GRM7: variants seen among roughly 807,000 people sequenced by gnomAD.
The protein encoded by GRM7 is glutamate metabotropic receptor 7.
GRM7 carries 35 observed loss-of-function variants against 84.5 expected under a neutral mutation model. The ratio of observed to expected loss-of-function variants is 0.41; its 90% CI spans 0.32 to 0.55. The LOEUF (loss-of-function observed/expected upper bound fraction) is 0.55. Among genes scored for constraint, GRM7 ranks in the 20% least tolerant of loss-of-function variants. The pLI is 0.19. For synonymous variants in GRM7, 487 were observed against 455.1 expected, an observed-to-expected ratio of 1.07 and a Z score of -0.89; for missense variants, 1,003 against 1,194.6, an observed-to-expected ratio of 0.84 and a Z score of 2.36.
chr3:7,006,684 T>C (rs1433945399), intron 1 of GRM7, among the ~76,000 whole-genome samples: 1 of 152,210 alleles, frequency 6.6e-6, no homozygotes, highest in Non-Finnish European at 1.5e-5. Flanking sequence ...AAAATTTTAA[T>C]TAATTTTCAT....
rs569439227 is a variant in GRM7, at chr3:7,723,305, C to T, written c.2699-17052C>T. On this transcript the variant is annotated intron_variant, in intron 9 of 9. Coordinates refer to ENST00000357716, the MANE Select transcript of GRM7 (RefSeq NM_000844.4). ...TTATTGCTCCTAATGGAAGGAACTCCTGAGCTTCCTCAATCTAGTCTCTCC... is the reference window on the plus strand; with the variant it reads ...TTATTGCTCCTAATGGAAGGAACTCTTGAGCTTCCTCAATCTAGTCTCTCC... Among the ~76,000 whole-genome samples the T allele has an allele frequency of 2.0e-4, 31 of 152,268 alleles. No homozygotes were observed. The East Asian group carries it at 5.8e-3, about 28-fold the overall frequency.
intron 4 of GRM7, among the ~76,000 whole-genome samples, chr3:7,346,508 G>A (rs567066697): frequency 2.0e-5 from 3 of 152,220 alleles, no homozygotes; most frequent in South Asian, 4.1e-4. Context: ...TTTCCCTTGT[G>A]AGAAGAATCA....
intron 1 of GRM7, among the ~76,000 whole-genome samples, chr3:7,114,081 G>C (rs1039964841): frequency 1.3e-5 from 2 of 152,106 alleles, no homozygotes; most frequent in South Asian, 4.1e-4. Flanking sequence ...TTTAAAATCA[G>C]CTGTGTCATG....
chr3:7,410,645 AACC>A (rs1228983813), intron 4 of GRM7, among the ~76,000 whole-genome samples: 2 of 145,172 alleles, frequency 1.4e-5, no homozygotes, highest in East Asian at 2.0e-4. Flanking sequence ...ATACACACAA[AACC>A]ACCACCACCA....
rs573846605 is a variant in GRM7, at chr3:7,628,398, G to T, written c.2451+49041G>T. Among the ~76,000 whole-genome samples, 9 of 152,216 alleles carry T rather than the reference G, an allele frequency of 5.9e-5. No individual in the cohort carries two copies. The South Asian group carries it at 1.9e-3, about 32-fold the overall frequency. On this transcript the variant is annotated intron_variant, in intron 8 of 9. Coordinates refer to ENST00000357716, the MANE Select transcript of GRM7 (RefSeq NM_000844.4). Reference sequence around the variant, plus strand: ...TCTCATTCATCTCTGTATCCTCAGTGCCTGGAATTTACTTAGCAATCATTG... The same window carrying T: ...TCTCATTCATCTCTGTATCCTCAGTTCCTGGAATTTACTTAGCAATCATTG...
intron 1 of GRM7, among the ~76,000 whole-genome samples, chr3:7,129,542 A>G (rs189653717): frequency 6.6e-6 from 1 of 152,342 alleles, no homozygotes; most frequent in Admixed American, 6.5e-5. Context: ...TATAGGTGCA[A>G]GTGTTGTATG....
At chr3:6,896,981 T>G (rs779583444) in intron 1 of GRM7, among the ~76,000 whole-genome samples, 11 of 152,226 alleles carry the variant, frequency 7.2e-5, no homozygotes, top group Non-Finnish European at 7.4e-5. Flanking sequence ...CCTAAGTGTT[T>G]GAATGATCAG....
intron 7 of GRM7, among the ~76,000 whole-genome samples, chr3:7,533,001 A>C (rs1394366743): frequency 6.6e-6 from 1 of 152,142 alleles, no homozygotes; most frequent in Admixed American, 6.6e-5. Context: ...TTCATAAAGC[A>C]CGTTCTTAGA....
intron 1 of GRM7, among the ~76,000 whole-genome samples, chr3:7,130,430 G>C (rs73122319): frequency 0.014 from 2,050 of 151,676 alleles, 38 homozygotes; most frequent in African/African-American, 0.047. Context: ...GTAATCCCAG[G>C]TACTTGAGAG....
At chr3:7,022,468 TACTG>T (rs891854113) in intron 1 of GRM7, among the ~76,000 whole-genome samples, 20 of 152,006 alleles carry the variant, frequency 1.3e-4, no homozygotes, top group African/African-American at 4.8e-4. Context: ...TAGCAGCCAG[TACTG>T]ACTATCTCAT....
intron 8 of GRM7, among the ~76,000 whole-genome samples, chr3:7,582,121 G>T (rs949112701): frequency 2.0e-5 from 3 of 152,142 alleles, no homozygotes; most frequent in Non-Finnish European, 4.4e-5. Context: ...AAGCTGGCTG[G>T]CCCAGTTTGA....
intron 2 of GRM7, among the ~76,000 whole-genome samples, chr3:7,225,711 T>G (rs911537622): frequency 1.6e-4 from 25 of 151,940 alleles, no homozygotes; most frequent in Admixed American, 9.2e-4. Context: ...GCTTGTACAT[T>G]AAGTAGAAGT....
At chr3:7,488,329 A>T (rs1162129728) in intron 7 of GRM7, among the ~76,000 whole-genome samples, 1 of 152,138 alleles carries the variant, frequency 6.6e-6, no homozygotes, top group Non-Finnish European at 1.5e-5. Context: ...AGTGGAGGGC[A>T]AGGGGCAGAA....
chr3:7,072,392 C>T (rs1410187097), intron 1 of GRM7, among the ~76,000 whole-genome samples: 2 of 152,090 alleles, frequency 1.3e-5, no homozygotes, highest in East Asian at 3.9e-4. Flanking sequence ...ATCTAAAGTT[C>T]TCACTTTGGC....
intron 4 of GRM7, among the ~76,000 whole-genome samples, chr3:7,368,414 G>C (rs775093933): frequency 6.6e-6 from 1 of 152,060 alleles, no homozygotes; most frequent in South Asian, 2.1e-4. Flanking sequence ...AATTCTTAGA[G>C]ATTATGCCTT....
chr3:7,379,457 G>T (rs1209890728), intron 4 of GRM7, among the ~76,000 whole-genome samples: 1 of 152,128 alleles, frequency 6.6e-6, no homozygotes, highest in African/African-American at 2.4e-5. Flanking sequence ...TTAATGACTT[G>T]CCTAAGACTT....
intron 4 of GRM7, among the ~76,000 whole-genome samples, chr3:7,414,296 G>A (rs145328768): frequency 6.6e-6 from 1 of 152,174 alleles, no homozygotes; most frequent in African/African-American, 2.4e-5. Flanking sequence ...GGAAGGAGAT[G>A]GTGTAGTCTT....
At chr3:7,512,241 T>C (rs1700234441) in intron 7 of GRM7, among the ~76,000 whole-genome samples, 1 of 152,174 alleles carries the variant, frequency 6.6e-6, no homozygotes, top group African/African-American at 2.4e-5. Flanking sequence ...TGTTTTACTT[T>C]TGCTTCTGTA....
chr3:7,652,077 C>A (rs2125115149), intron 8 of GRM7, among the ~76,000 whole-genome samples: 1 of 152,294 alleles, frequency 6.6e-6, no homozygotes, highest in African/African-American at 2.4e-5. Flanking sequence ...TTTACCTGAG[C>A]AAACCATGCT....
Sources: allele counts gnomAD v4.1 joint callset (sites outside exome capture counted in the v4.1 genomes callset), GRCh38; gene constraint gnomAD v4.1.1; transcripts MANE v1.5; gene names NCBI Gene and HGNC (gene_info 2026-07-23, HGNC 2026-07-21).